The following SLC25A48 variants were observed in gnomAD, a reference collection of about 807,000 sequenced individuals.
The protein encoded by SLC25A48 is solute carrier family 25 member 48, also known as CTC-321K16.1.
In SLC25A48, 29 loss-of-function variants were observed where a neutral mutation model predicts 32.2. The ratio of observed to expected loss-of-function variants is 0.90; its 90% CI spans 0.67 to 1.23. The LOEUF is 1.23. Among genes scored for constraint, SLC25A48 ranks in the 50% most tolerant of loss-of-function variants. SLC25A48 has a pLI of 0.00. For missense variants in SLC25A48, 399 were observed against 422.7 expected (o/e 0.94, Z 0.49); for synonymous variants, 164 against 172.3 (o/e 0.95, Z 0.38).
chr5:135,828,870 C>T (rs182957316), intron 4 of SLC25A48, among the ~76,000 whole-genome samples: 5 of 152,318 alleles, frequency 3.3e-5, no homozygotes, highest in East Asian at 1.9e-4. Flanking sequence ...AAACTCTTCC[C>T]GACTCCCCTT....
At chr5:135,755,857 C>CGAAATATT (rs891813928) in intron 3 of SLC25A48, among the ~76,000 whole-genome samples, 20 of 151,730 alleles carry the variant, frequency 1.3e-4, no homozygotes, top group South Asian at 4.2e-4. Context: ...AATGAAATAT[C>CGAAATATT]GCTGTGATAT....
At position 135,774,118 on chromosome 5, in the gene SLC25A48, C is replaced by A. The variant is rs148257389; in HGVS notation, c.-520-38405C>A. ...ATGAGAATGATATTACTCCCTATAT[C>A]GAAGGGTGTGTACACCCCCCTGTGA... On this transcript the variant is annotated intron_variant, in intron 3 of 10. Coordinates refer to the SLC25A48 transcript ENST00000646290. Among the ~76,000 whole-genome samples, 297 of 151,732 alleles carry A rather than the reference C, an allele frequency of 2.0e-3. 1 individual carries two copies. Among genetic ancestry groups the A allele is most frequent in the African/African-American group, 6.7e-3 (276 of 41,410 alleles).
At chr5:135,766,801 A>C (rs1036633793) in intron 3 of SLC25A48, among the ~76,000 whole-genome samples, 3 of 151,714 alleles carry the variant, frequency 2.0e-5, no homozygotes, top group Non-Finnish European at 2.9e-5. Flanking sequence ...GGGTGATATT[A>C]CTTCCCATAC....
At chr5:135,832,069 C>T (rs928830448), upstream of SLC25A48, among the ~76,000 whole-genome samples, 2 of 152,130 alleles carry the variant, frequency 1.3e-5, no homozygotes, top group Admixed American at 1.3e-4. Flanking sequence ...GTGTGTTTCT[C>T]TAAGTTGAAG....
chr5:135,648,706 A>G (rs1753030293), intron 3 of SLC25A48: 1 of 152,242 alleles, frequency 6.6e-6, no homozygotes, highest in African/African-American at 2.4e-5. Context: ...AGGAAAGTTT[A>G]CTTGAAATCC....
At chr5:135,770,899 C>T (rs2126608760) in intron 3 of SLC25A48, among the ~76,000 whole-genome samples, 1 of 151,912 alleles carries the variant, frequency 6.6e-6, no homozygotes, top group Admixed American at 6.6e-5. Flanking sequence ...TGATATTGTT[C>T]TTAATATCCA....
chr5:135,857,223 A>G (rs190183996), intron 4 of SLC25A48, among the ~76,000 whole-genome samples: 73 of 152,338 alleles, frequency 4.8e-4, no homozygotes, highest in Non-Finnish European at 7.1e-4. Context: ...TTCCCTGTAC[A>G]GTATGCTAGA....
intron 3 of SLC25A48, among the ~76,000 whole-genome samples, chr5:135,744,781 C>T (rs1366970177): frequency 6.6e-6 from 1 of 152,068 alleles, no homozygotes; most frequent in Admixed American, 6.5e-5. Context: ...TGGTGGCTAA[C>T]ACCTGTAATC....
intron 3 of SLC25A48, among the ~76,000 whole-genome samples, chr5:135,793,900 T>C (rs1757097755): frequency 6.6e-6 from 1 of 151,960 alleles, no homozygotes; most frequent in Admixed American, 6.6e-5. Context: ...GTGTACAACA[T>C]GTGTGTACAA....
chr5:135,806,007 A>G (rs1181037286), intron 3 of SLC25A48, among the ~76,000 whole-genome samples: 2 of 151,374 alleles, frequency 1.3e-5, no homozygotes, highest in African/African-American at 2.4e-5. Context: ...TATCCCAGTG[A>G]GTGTTCACCC....
intron 3 of SLC25A48, among the ~76,000 whole-genome samples, chr5:135,808,464 C>G (rs1470483639): frequency 6.6e-6 from 1 of 151,936 alleles, no homozygotes; most frequent in African/African-American, 2.4e-5. Flanking sequence ...CTCACCTCCC[C>G]CCTCACTTCC....
chr5:135,866,068 C>T (rs1761178902), intron 4 of SLC25A48, among the ~76,000 whole-genome samples: 1 of 152,148 alleles, frequency 6.6e-6, no homozygotes, highest in Non-Finnish European at 1.5e-5. Context: ...GGAATAGAAC[C>T]CTCGTGAAAA....
intron 3 of SLC25A48, among the ~76,000 whole-genome samples, chr5:135,801,764 G>C (rs911379780): frequency 6.6e-6 from 1 of 151,644 alleles, no homozygotes; most frequent in Non-Finnish European, 1.5e-5. Context: ...CAGTGATATT[G>C]TACGTAATAT....
At chr5:135,602,614 CT>C (rs781288614) in intron 1 of SLC25A48, among the ~76,000 whole-genome samples, 245 of 139,544 alleles carry the variant, frequency 1.8e-3, no homozygotes, top group East Asian at 3.3e-3. Flanking sequence ...TTTTTTCTTT[CT>C]TTTTTTTTTT....
upstream of SLC25A48, among the ~76,000 whole-genome samples, chr5:135,831,782 A>G (rs372056419): frequency 3.4e-4 from 52 of 152,360 alleles, 1 homozygote; most frequent in African/African-American, 1.2e-3. Context: ...GATCACAGAA[A>G]GTCATCAAAG....
intron 3 of SLC25A48, among the ~76,000 whole-genome samples, chr5:135,744,332 A>C (rs533597804): frequency 6.6e-6 from 1 of 150,824 alleles, no homozygotes; most frequent in East Asian, 2.0e-4. Flanking sequence ...TTGGATTGAC[A>C]AGGTAACTAT....
chr5:135,877,146 T>C (rs11242304), intron 6 of SLC25A48, among the ~76,000 whole-genome samples: 82,772 of 151,974 alleles, frequency 0.54, 24,413 homozygotes, highest in East Asian at 0.8. Flanking sequence ...TCCATGGACT[T>C]GTCGAGGCAT....
At chr5:135,638,316 A>G (rs1027915267) in intron 3 of SLC25A48, among the ~76,000 whole-genome samples, 5 of 152,210 alleles carry the variant, frequency 3.3e-5, no homozygotes, top group Non-Finnish European at 1.5e-5. Flanking sequence ...TTTCTTGCAG[A>G]ACACCAAGTA....
At chr5:135,625,131 G>A (rs1752415332) in intron 1 of SLC25A48, among the ~76,000 whole-genome samples, 2 of 152,076 alleles carry the variant, frequency 1.3e-5, no homozygotes, top group Non-Finnish European at 2.9e-5. Flanking sequence ...ATTTGGGGAA[G>A]GGTGCAGCCC....
Sources: allele counts gnomAD v4.1 joint callset (sites outside exome capture counted in the v4.1 genomes callset), GRCh38; gene constraint gnomAD v4.1.1; transcripts MANE v1.5; gene names NCBI Gene and HGNC (gene_info 2026-07-23, HGNC 2026-07-21).